Variants in ADCY3 observed in about 807,000 individuals in gnomAD.
ADCY3 encodes adenylate cyclase type 3.
In ADCY3, 70 loss-of-function variants were observed where a neutral mutation model predicts 119.4. That is an observed-to-expected ratio of 0.59 (90% CI 0.48 to 0.72). The LOEUF (loss-of-function observed/expected upper bound fraction) is 0.72, where lower values mean the gene tolerates loss of function less well. Among genes scored for constraint, ADCY3 ranks in the 30% least tolerant of loss-of-function variants. The pLI is 0.00. For synonymous variants in ADCY3, 672 were observed against 621.4 expected (o/e 1.08, Z -1.21); for missense variants, 1,238 against 1,541.6 (o/e 0.80, Z 3.30).
At chr2:24,836,105 C>T (rs529144673) in intron 9 of ADCY3, among the ~76,000 whole-genome samples, 4 of 152,234 alleles carry the variant, frequency 2.6e-5, no homozygotes, top group South Asian at 2.1e-4. Flanking sequence ...CCGGGAGCAG[C>T]GTGGCCCTGG....
At chr2:24,850,909 C>G (rs939815445) in intron 3 of ADCY3, among the ~76,000 whole-genome samples, 5 of 152,148 alleles carry the variant, frequency 3.3e-5, no homozygotes, top group Middle Eastern at 3.2e-3. Flanking sequence ...ACGCTGGGAT[C>G]TATGTGTGCA....
chr2:24,888,807 G>C (rs935715261), intron 2 of ADCY3, among the ~76,000 whole-genome samples: 1 of 152,208 alleles, frequency 6.6e-6, no homozygotes, highest in Non-Finnish European at 1.5e-5. Context: ...TGAAGAGTTT[G>C]AGATCAGCCT....
intron 3 of ADCY3, among the ~76,000 whole-genome samples, chr2:24,844,339 C>T (rs1344738589): frequency 6.6e-6 from 1 of 152,080 alleles, no homozygotes; most frequent in Non-Finnish European, 1.5e-5. Context: ...GCCAGAAAAC[C>T]AAGAACTAGT....
chr2:24,894,043 A>C (rs961441320), intron 2 of ADCY3, among the ~76,000 whole-genome samples: 23 of 151,736 alleles, frequency 1.5e-4, no homozygotes, highest in Admixed American at 5.3e-4. Context: ...CCATCTTTTG[A>C]ATGATTTTTG....
intron 2 of ADCY3, among the ~76,000 whole-genome samples, chr2:24,893,977 G>GT (rs780064976): frequency 3.3e-5 from 5 of 152,042 alleles, no homozygotes; most frequent in Non-Finnish European, 5.9e-5. Flanking sequence ...CTGTTGTCTT[G>GT]TTTTTTGTCT....
chr2:24,879,452 CAAA>C (rs34029858), intron 2 of ADCY3, among the ~76,000 whole-genome samples: 101 of 66,072 alleles, frequency 1.5e-3, no homozygotes, highest in South Asian at 0.013. Flanking sequence ...GACTCTGTCT[CAAA>C]AAAAAAAAAA....
intron 21 of ADCY3, 99 bp from the exon 22 acceptor site, chr2:24,820,213 G>A: frequency 8.0e-7 from 1 of 1,253,148 alleles, no homozygotes; most frequent in South Asian, 1.6e-5. Flanking sequence ...ACTGATCCAT[G>A]GGTCCCAAGC....
At position 24,827,931 on chromosome 2, in the gene ADCY3, T is replaced by G. The variant is rs1558409389; in HGVS notation, c.2403A>C (p.Glu801Asp). ...NLYAWRPVFDEYDHKRFREHD... is the reference protein window; with the variant it reads ...NLYAWRPVFDDYDHKRFREHD... ...GCTCCCGAAAACGCTTGTGGTCGTA[T>G]TCATCAAAGACGGGACGCCAGGCAT... is the stretch of plus-strand genomic sequence containing the variant. Residue 801 changes from glutamate to aspartate, a missense_variant, in exon 14 of 22, where the codon GAA becomes GAC. Physicochemically the swap from Glu to Asp is conservative, Grantham distance 45 (BLOSUM62 2). Coordinates refer to ENST00000679454, the MANE Select transcript of ADCY3 (RefSeq NM_004036.5). 1 of 1,614,174 alleles carries G rather than the reference T, an allele frequency of 6.2e-7. No individual in the cohort carries two copies.
rs1664693750 is a variant in ADCY3 at position 24,918,213 on chromosome 2, A to C, written c.675+100T>G. The C allele has an allele frequency of 7.3e-7, 1 of 1,374,860 alleles. No individual in the cohort carries two copies. The highest frequency in any genetic ancestry group is 9.9e-7 in the Non-Finnish European group (1 of 1,014,338). 85.2% of individuals were successfully genotyped at this position (1,374,860 alleles called of 1,614,324 possible). A position where few individuals can be genotyped will look rare whatever the true frequency, so the allele number is the denominator to read the frequency against. On this transcript the variant is annotated intron_variant, in intron 2 of 21. Transcript: ENST00000679454. This position sits in a 1 kb window ranked among gnomAD's most constrained non-coding sequence, Gnocchi z 5.4. ...AGAGCCCCGGAGGCCCCCAGGACAC[A>C]TTTTGACTCAAAGGCAAAGCAAACA...
chr2:24,830,080 G>GTTA (rs67395313), intron 13 of ADCY3, among the ~76,000 whole-genome samples: 1 of 1,856 alleles, frequency 5.4e-4, no homozygotes, highest in South Asian at 0.013. Flanking sequence ...TCTTGCTGTC[G>GTTA]CCTAGGCTGG....
Position 24,842,241 on chromosome 2 carries a change from C to A in ADCY3, c.956+13G>T. 1 of 1,613,860 alleles carries A rather than the reference C, an allele frequency of 6.2e-7. No individual in the cohort carries two copies. Among genetic ancestry groups the A allele is most frequent in the South Asian group, 1.1e-5 (1 of 91,076 alleles). ...TGCTCTGCCATCAGAGCCCGCGCCC[C>A]GGGCCGGCGTACCTGACGTTCTCGT... On this transcript the variant is annotated intron_variant, in intron 4 of 21. Transcript: ENST00000679454. The surrounding 1 kb of genome is among the most constrained non-coding windows in gnomAD (Gnocchi z 4.9).
At chr2:24,868,754 C>T (rs1006360567) in intron 3 of ADCY3, among the ~76,000 whole-genome samples, 2 of 152,246 alleles carry the variant, frequency 1.3e-5, no homozygotes, top group East Asian at 3.9e-4. Context: ...CGGTGGCTCA[C>T]GCCTGTAATC....
intron 2 of ADCY3, among the ~76,000 whole-genome samples, chr2:24,894,108 C>T (rs7586879): frequency 0.47 from 71,073 of 151,994 alleles, 19,606 homozygotes; most frequent in African/African-American, 0.78. Flanking sequence ...CTCTTTGTTA[C>T]GCTTTTTCAG....
At chr2:24,884,277 T>G (rs1370681147) in intron 2 of ADCY3, among the ~76,000 whole-genome samples, 1 of 152,104 alleles carries the variant, frequency 6.6e-6, no homozygotes, top group Non-Finnish European at 1.5e-5. Context: ...CATCTGCATC[T>G]GTGCCCTCCT....
chr2:24,910,243 C>T (rs1000280766), intron 2 of ADCY3, among the ~76,000 whole-genome samples: 1 of 152,280 alleles, frequency 6.6e-6, no homozygotes, highest in Middle Eastern at 3.4e-3. Context: ...TGCTCTGTCA[C>T]CCAGGCTGGA....
Position 24,834,509 on chromosome 2 carries a change from A to G in ADCY3, c.1943T>C (p.Leu648Pro), listed in dbSNP as rs1392159039. ...CCAGGGGTCGATGAGTATCTCGACC[A>G]GGGCCGTGCAGAGCAGGACGACGCA... ...CSCVVLLCTA[L>P]VEILIDPWLM... The change falls in exon 11 of 22, where the codon CTG becomes CCG. Residue 648 changes from leucine (L) to proline (P), a missense_variant. Leu to Pro is a moderately conservative substitution (Grantham distance 98). Coordinates refer to ENST00000679454, the MANE Select transcript of ADCY3 (RefSeq NM_004036.5). The surrounding 1 kb of genome is among the most constrained non-coding windows in gnomAD (Gnocchi z 4.2). The G allele has an allele frequency of 1.2e-6, 2 of 1,611,820 alleles. No homozygotes were observed. Among genetic ancestry groups the G allele is most frequent in the Admixed American group, 1.7e-5 (1 of 59,922 alleles).
intron 2 of ADCY3, among the ~76,000 whole-genome samples, chr2:24,912,555 GTGTGTGTGTGTGCA>G (rs1558528670): frequency 2.1e-4 from 17 of 80,640 alleles, no homozygotes; most frequent in African/African-American, 8.0e-4. Flanking sequence ...GCACGCATGT[GTGTGTGTGTGTGCA>G]TGTGTGTGTG....
intron 3 of ADCY3, among the ~76,000 whole-genome samples, chr2:24,863,777 A>C (rs2148747316): frequency 6.6e-6 from 1 of 152,360 alleles, no homozygotes; most frequent in Middle Eastern, 3.4e-3. Flanking sequence ...ACTTGAGTTT[A>C]TCTGTCTGTG....
rs201400762 is a variant in ADCY3, at chr2:24,912,587, A to ATG, written c.675+5724_675+5725dup. ...TGTGTGCATGTGTGTGTGTGTGTGC[A>ATG]TGTGTGTGTGTGTGTGCATGTGTGT... is the stretch of plus-strand genomic sequence containing the variant. On this transcript the variant is annotated intron_variant, in intron 2 of 21. Coordinates refer to ENST00000679454, the MANE Select transcript of ADCY3 (RefSeq NM_004036.5). Among the ~76,000 whole-genome samples the ATG allele has an allele frequency of 9.1e-4, 35 of 38,496 alleles. No individual in the cohort carries two copies. In the African/African-American group the frequency reaches 0.011, roughly 13 times the overall value. The allele number at this position is 38,496 out of a possible 152,430, so 25.3% of individuals were successfully genotyped here.
Sources: gnomAD v4.1 joint callset for allele counts (sites outside exome capture counted in the v4.1 genomes callset) on GRCh38, gnomAD v4.1.1 for gene constraint, Gnocchi (gnomAD v3.1) non-coding constraint, MANE v1.5 for transcripts, NCBI Gene and HGNC (gene_info 2026-07-23, HGNC 2026-07-21) for gene names.